CTNND2: variants seen among roughly 807,000 people sequenced by gnomAD.
CTNND2 encodes catenin delta 2.
CTNND2 carries 22 observed loss-of-function variants against 144.4 expected under a neutral mutation model. The observed-to-expected ratio is 0.15, with a 90% CI of 0.11 to 0.22. CTNND2 has a LOEUF of 0.22. Among genes scored for constraint, CTNND2 ranks in the 10% least tolerant of loss-of-function variants. The pLI, the probability that CTNND2 is intolerant of heterozygous loss-of-function variation, is 1.00. For synonymous variants in CTNND2, 751 were observed against 695.6 expected (o/e 1.08, Z -1.25); for missense variants, 1,353 against 1,618.8 (o/e 0.84, Z 2.82).
At chr5:11,287,789 T>G (rs1272552658) in intron 9 of CTNND2, among the ~76,000 whole-genome samples, 1 of 152,176 alleles carries the variant, frequency 6.6e-6, no homozygotes, top group Non-Finnish European at 1.5e-5. Flanking sequence ...TTTTCTAGCA[T>G]AAGAAGATAA....
At chr5:11,772,486 T>C (rs935790821) in intron 1 of CTNND2, among the ~76,000 whole-genome samples, 2 of 152,220 alleles carry the variant, frequency 1.3e-5, no homozygotes, top group African/African-American at 4.8e-5. Context: ...AAGTTGAATG[T>C]GTATGCATTT....
intron 9 of CTNND2, among the ~76,000 whole-genome samples, chr5:11,327,988 T>C (rs772315399): frequency 5.1e-4 from 78 of 152,202 alleles, no homozygotes; most frequent in Non-Finnish European, 8.4e-4. Flanking sequence ...CAAGATGTGG[T>C]AGGCTAGATT....
At chr5:11,263,497 G>A (rs187936504) in intron 9 of CTNND2, among the ~76,000 whole-genome samples, 202 of 152,200 alleles carry the variant, frequency 1.3e-3, no homozygotes, top group African/African-American at 4.8e-3. Flanking sequence ...ACAAATGTGT[G>A]TGTGCATGTA....
At chr5:11,301,645 C>G (rs547828979) in intron 9 of CTNND2, among the ~76,000 whole-genome samples, 5 of 152,100 alleles carry the variant, frequency 3.3e-5, no homozygotes, top group African/African-American at 1.2e-4. Context: ...TTTTAAAATT[C>G]GTATTCTTCA....
rs531984452 is a variant in CTNND2, at chr5:11,782,503, T to C, written c.38-50231A>G. Among the ~76,000 whole-genome samples, 58 of 152,336 alleles carry C rather than the reference T, an allele frequency of 3.8e-4. 1 individual carries two copies. The highest frequency in any genetic ancestry group is 1.3e-3 in the African/African-American group (56 of 41,586). The stretch of plus-strand genomic sequence containing the variant: ...GGACCTATTATGTAAATTCCAACCA[T>C]GTGTACCTGGTGCCCACATGGAGGT... On this transcript the variant is annotated intron_variant, in intron 1 of 21. Transcript: ENST00000304623.
At position 11,107,780 on chromosome 5, in the gene CTNND2, G is replaced by C. The variant is rs61754616; in HGVS notation, c.2463+3078C>G. On this transcript the variant is annotated intron_variant, in intron 14 of 21. Coordinates refer to ENST00000304623, the MANE Select transcript of CTNND2 (RefSeq NM_001332.4). ...GCTGGGGAACAGCTCAAAACACAGG[G>C]AGGGAAGACTGCGGAAGACGCTTGG... Among the ~76,000 whole-genome samples, 389 of 152,320 alleles carry C rather than the reference G, an allele frequency of 2.6e-3. 5 individuals are homozygous for C. Among genetic ancestry groups the C allele is most frequent in the Non-Finnish European group, 3.6e-3 (242 of 68,034 alleles).
intron 2 of CTNND2, among the ~76,000 whole-genome samples, chr5:11,623,011 C>A (rs1317586395): frequency 6.6e-6 from 1 of 152,026 alleles, no homozygotes; most frequent in East Asian, 1.9e-4. Context: ...CATAAGAGGA[C>A]AATTTACTGG....
intron 14 of CTNND2, among the ~76,000 whole-genome samples, chr5:11,100,712 T>C (rs769691971): frequency 1.3e-5 from 2 of 152,224 alleles, no homozygotes; most frequent in African/African-American, 2.4e-5. Flanking sequence ...ATTATTTTCA[T>C]ATAAAAATGG....
At chr5:11,585,749 T>G (rs544051318) in intron 2 of CTNND2, among the ~76,000 whole-genome samples, 38 of 151,720 alleles carry the variant, frequency 2.5e-4, no homozygotes, top group African/African-American at 9.0e-4. Flanking sequence ...ACAACTTAAG[T>G]AGAATAATTA....
chr5:11,904,303 T>TGCC lies in CTNND2; in HGVS notation c.-453_-451dup, dbSNP rs1376914447. 3.4e-5 allele frequency among the ~76,000 whole-genome samples: 5 copies of TGCC among 146,692 alleles called. No homozygotes were observed. The highest frequency in any genetic ancestry group is 4.1e-4 in the East Asian group (2 of 4,882). On this transcript the variant is annotated 5_prime_UTR_variant, in exon 1 of 22. Coordinates refer to ENST00000304623, the MANE Select transcript of CTNND2 (RefSeq NM_001332.4). The surrounding 1 kb of genome is among the most constrained non-coding windows in gnomAD (Gnocchi z 4.2). ...CCCCGCGCGCGGCCCGCGCCACCTG[T>TGCC]GCCGCCGCCGCCTCAGCCGCCGAGG...
intron 12 of CTNND2, among the ~76,000 whole-genome samples, chr5:11,135,095 T>C (rs1018914649): frequency 2.0e-5 from 3 of 152,080 alleles, no homozygotes; most frequent in African/African-American, 2.4e-5. Flanking sequence ...GATTTAAAAA[T>C]TGTGCACTTA....
At chr5:11,574,714 T>A (rs1777841302) in intron 2 of CTNND2, among the ~76,000 whole-genome samples, 2 of 152,186 alleles carry the variant, frequency 1.3e-5, no homozygotes, top group South Asian at 4.1e-4. Flanking sequence ...AGAGGAGCAC[T>A]GCCAAACTCA....
intron 1 of CTNND2, among the ~76,000 whole-genome samples, chr5:11,745,256 CAT>C (rs749242871): frequency 2.8e-4 from 43 of 152,262 alleles, no homozygotes; most frequent in Middle Eastern, 6.8e-3. Context: ...ACCCCTCACA[CAT>C]GTTGGCTCCA....
intron 14 of CTNND2, 64 bp downstream of exon 14, chr5:11,110,794 G>T: frequency 1.4e-6 from 2 of 1,433,842 alleles, no homozygotes; most frequent in Non-Finnish European, 1.9e-6. Context: ...TATATATTGA[G>T]GATATATTAC....
intron 12 of CTNND2, among the ~76,000 whole-genome samples, chr5:11,136,195 CAT>C (rs1296141296): frequency 6.6e-6 from 1 of 152,172 alleles, no homozygotes; most frequent in African/African-American, 2.4e-5. Flanking sequence ...GTCAGAAATA[CAT>C]TTCTGTTGTT....
intron 2 of CTNND2, among the ~76,000 whole-genome samples, chr5:11,637,754 A>G (rs1244102262): frequency 6.6e-6 from 1 of 152,126 alleles, no homozygotes; most frequent in Non-Finnish European, 1.5e-5. Context: ...TTTTTAAATT[A>G]TTTATTATTT....
At chr5:11,692,784 T>C (rs1784967247) in intron 2 of CTNND2, among the ~76,000 whole-genome samples, 1 of 152,204 alleles carries the variant, frequency 6.6e-6, no homozygotes, top group East Asian at 1.9e-4. Context: ...ATATTTTTAG[T>C]AGAGACGGGG....
chr5:11,360,972 C>A (rs1756390204), intron 8 of CTNND2, among the ~76,000 whole-genome samples: 1 of 152,156 alleles, frequency 6.6e-6, no homozygotes, highest in Non-Finnish European at 1.5e-5. Context: ...CCAATGCAGT[C>A]AACGAAGCCC....
rs531359255 is a variant in CTNND2, at chr5:11,438,153, T to C, written c.288-26084A>G. Among the ~76,000 whole-genome samples, 14 of 152,284 alleles carry C rather than the reference T, an allele frequency of 9.2e-5. No individual in the cohort carries two copies. In the South Asian group the frequency reaches 1.2e-3, roughly 14 times the overall value. On this transcript the variant is annotated intron_variant, in intron 3 of 21. Coordinates refer to ENST00000304623, the MANE Select transcript of CTNND2 (RefSeq NM_001332.4). ...GTATTGTGGACTGGATATAGAAAAC[T>C]AGGCGAAGAGGATCGTCATCTTCAA...
Sources: allele counts gnomAD v4.1 joint callset (sites outside exome capture counted in the v4.1 genomes callset), GRCh38; gene constraint gnomAD v4.1.1; non-coding constraint Gnocchi (gnomAD v3.1); transcripts MANE v1.5; gene names NCBI Gene and HGNC (gene_info 2026-07-23, HGNC 2026-07-21).